The following AHI1 variants were observed in gnomAD, a reference collection of about 807,000 sequenced individuals.
AHI1 encodes Abelson helper integration site 1, also known as jouberin.
AHI1 carries 123 observed loss-of-function variants against 149.3 expected under a neutral mutation model. The observed-to-expected ratio is 0.82, with a 90% CI of 0.71 to 0.96. The LOEUF is 0.96. Among genes scored for constraint, AHI1 ranks in the 40% least tolerant of loss-of-function variants. AHI1 has a pLI of 0.00. For missense variants in AHI1, 1,439 were observed against 1,422.7 expected (o/e 1.01, Z -0.18); for synonymous variants, 475 against 459.8 (o/e 1.03, Z -0.42).
At chr6:135,422,487 C>T (rs1338934690) in intron 20 of AHI1, among the ~76,000 whole-genome samples, 4 of 150,030 alleles carry the variant, frequency 2.7e-5, no homozygotes, top group African/African-American at 9.8e-5. Flanking sequence ...GCTTGGGTGA[C>T]AGAGCAGAGA....
chr6:135,370,174 T>A (rs918672488), intron 23 of AHI1, among the ~76,000 whole-genome samples: 3 of 152,182 alleles, frequency 2.0e-5, no homozygotes, highest in African/African-American at 7.2e-5. Flanking sequence ...CCATTTCCTT[T>A]TTCAGAAAGC....
At chr6:135,449,798 T>C (rs1787817089) in intron 11 of AHI1, among the ~76,000 whole-genome samples, 1 of 152,238 alleles carries the variant, frequency 6.6e-6, no homozygotes, top group East Asian at 1.9e-4. Flanking sequence ...GGAATCCACA[T>C]GTGGCTACCC....
intron 23 of AHI1, among the ~76,000 whole-genome samples, chr6:135,364,760 CG>C (rs1773881147): frequency 1.3e-5 from 2 of 152,254 alleles, no homozygotes; most frequent in African/African-American, 4.8e-5. Context: ...GGCGTGGCGG[CG>C]CACGCCTGCA....
rs374788630 is a variant in AHI1 at position 135,395,038 on chromosome 6, T to C, written c.2989-142A>G. On this transcript the variant is annotated intron_variant, in intron 22 of 28. Coordinates refer to ENST00000265602, the MANE Select transcript of AHI1 (RefSeq NM_001134831.2). ...AGTGGTAATGATGTACATGGTTAGT[T>C]TGTAAACTTTACAAAAGAGAATCAT... The C allele has an allele frequency of 4.4e-5, 34 of 772,540 alleles. 1 individual carries two copies. Among genetic ancestry groups the C allele is most frequent in the East Asian group, 1.4e-4 (5 of 36,318 alleles). 47.9% of individuals were successfully genotyped at this position (772,540 alleles called of 1,614,324 possible). A position where few individuals can be genotyped will look rare whatever the true frequency, so the allele number is the denominator to read the frequency against.
chr6:135,316,152 C>G (rs1018042880), intron 26 of AHI1, among the ~76,000 whole-genome samples: 3 of 152,128 alleles, frequency 2.0e-5, no homozygotes. Context: ...GATCTGTCAA[C>G]CTGTCTTTCC....
At chr6:135,410,055 A>G (rs149396593) in intron 21 of AHI1, among the ~76,000 whole-genome samples, 2 of 152,310 alleles carry the variant, frequency 1.3e-5, no homozygotes, top group Non-Finnish European at 2.9e-5. Context: ...AATCTTAAAA[A>G]TCCTGTAAGG....
intron 5 of AHI1, among the ~76,000 whole-genome samples, chr6:135,468,570 G>A (rs1055837560): frequency 9.2e-5 from 14 of 152,004 alleles, no homozygotes; most frequent in East Asian, 1.9e-4. Flanking sequence ...CAGGCGTGAC[G>A]GTGCACACCT....
chr6:135,342,290 C>G (rs763531981), intron 24 of AHI1, among the ~76,000 whole-genome samples: 1 of 151,830 alleles, frequency 6.6e-6, no homozygotes. Flanking sequence ...ATTAAACCAG[C>G]AATCAAAACA....
chr6:135,455,064 T>C (rs1048131202), intron 10 of AHI1, among the ~76,000 whole-genome samples: 1 of 152,190 alleles, frequency 6.6e-6, no homozygotes, highest in African/African-American at 2.4e-5. Flanking sequence ...ACAGAACACA[T>C]GATAGAGTAA....
chr6:135,445,464 C>G (rs1787026275), intron 13 of AHI1, among the ~76,000 whole-genome samples: 1 of 152,162 alleles, frequency 6.6e-6, no homozygotes, highest in South Asian at 2.1e-4. Context: ...ATATCTCTAT[C>G]AAAGTGTGAT....
At chr6:135,442,949 A>G (rs1786552171) in intron 13 of AHI1, among the ~76,000 whole-genome samples, 1 of 152,180 alleles carries the variant, frequency 6.6e-6, no homozygotes, top group African/African-American at 2.4e-5. Context: ...TAATTCACCT[A>G]AATATGAATA....
At chr6:135,465,743 A>T in intron 7 of AHI1, 71 bp downstream of exon 7, 1 of 1,273,448 alleles carries the variant, frequency 7.9e-7, no homozygotes, top group Admixed American at 3.0e-5. Context: ...TAAACCACAG[A>T]TAATATTCAA....
chr6:135,495,088 TGACATGA>T (rs1408125438), intron 3 of AHI1, among the ~76,000 whole-genome samples: 6 of 150,200 alleles, frequency 4.0e-5, no homozygotes, highest in African/African-American at 1.3e-4. Flanking sequence ...CCAAAGGCAG[TGACATGA>T]GACAGTAACT....
At chr6:135,374,809 A>C (rs546791052) in intron 23 of AHI1, among the ~76,000 whole-genome samples, 44 of 152,218 alleles carry the variant, frequency 2.9e-4, no homozygotes, top group Non-Finnish European at 4.9e-4. Context: ...GGTCTGACTT[A>C]ACAATTTTTC....
intron 9 of AHI1, among the ~76,000 whole-genome samples, chr6:135,456,897 G>A (rs1009595374): frequency 3.9e-5 from 6 of 152,142 alleles, no homozygotes; most frequent in African/African-American, 1.4e-4. Flanking sequence ...CATTTACAAT[G>A]CAATATAAAA....
chr6:135,455,770 G>A lies in AHI1; in HGVS notation c.1308C>T (p.Gly436=), dbSNP rs1461410974. 1.9e-6 allele frequency: 3 copies of A among 1,603,728 alleles called. No individual in the cohort carries two copies. Among genetic ancestry groups the A allele is most frequent in the Admixed American group, 3.4e-5 (2 of 59,126 alleles). The change falls in exon 10 of 29, where the codon GGC becomes GGT. Residue 436 remains glycine (G), a synonymous_variant. Coordinates refer to ENST00000265602, the MANE Select transcript of AHI1 (RefSeq NM_001134831.2). ...FNENFPYLLR[G]SDESPKVILF... ...GGATGACTTTAGGACTCTCATCAGA[G>A]CCTCGAAGCAAATAGGGAAAATTTT... is the stretch of plus-strand genomic sequence containing the variant.
At chr6:135,381,405 C>T (rs6941431) in intron 23 of AHI1, among the ~76,000 whole-genome samples, 4,299 of 152,164 alleles carry the variant, frequency 0.028, 223 homozygotes, top group African/African-American at 0.098. Context: ...TACAAACACA[C>T]CCACATAGAC....
intron 14 of AHI1, among the ~76,000 whole-genome samples, chr6:135,440,337 T>C (rs2128041740): frequency 6.6e-6 from 1 of 151,942 alleles, no homozygotes; most frequent in African/African-American, 2.4e-5. Flanking sequence ...CAGCTGCAAG[T>C]GAGGCTAAGA....
intron 27 of AHI1, among the ~76,000 whole-genome samples, chr6:135,299,730 C>T (rs1783611031): frequency 6.6e-6 from 1 of 151,942 alleles, no homozygotes; most frequent in South Asian, 2.1e-4. Context: ...AAAAACTTTC[C>T]AGAGTTCTTT....
Sources: gnomAD v4.1 joint callset for allele counts (sites outside exome capture counted in the v4.1 genomes callset) on GRCh38, gnomAD v4.1.1 for gene constraint, MANE v1.5 for transcripts, NCBI Gene and HGNC (gene_info 2026-07-23, HGNC 2026-07-21) for gene names.